Variants in TRAK1 observed in about 807,000 individuals in gnomAD.
TRAK1 encodes the protein trafficking kinesin protein 1, also known as trafficking kinesin-binding protein 1.
TRAK1 carries 33 observed loss-of-function variants against 92.1 expected under a neutral mutation model. The observed-to-expected ratio is 0.36, with a 90% CI of 0.27 to 0.48. TRAK1 has a LOEUF of 0.48. Among genes scored for constraint, TRAK1 ranks in the 20% least tolerant of loss-of-function variants. The pLI is 0.99. For missense variants in TRAK1, 1,123 were observed against 1,257.9 expected (o/e 0.89, Z 1.62); for synonymous variants, 521 against 517.3 (o/e 1.01, Z -0.10).
intron 14 of TRAK1, 59 bp from the exon 15 acceptor site, chr3:42,219,435 T>A (rs1042612366): frequency 1.9e-6 from 3 of 1,612,860 alleles, no homozygotes; most frequent in East Asian, 4.5e-5. Flanking sequence ...TGCTGGATTT[T>A]AATTTTTATT....
intron 7 of TRAK1, 151 bp from the exon 8 acceptor site, chr3:42,192,924 C>T: frequency 9.5e-7 from 1 of 1,057,906 alleles, no homozygotes; most frequent in South Asian, 1.6e-5. Flanking sequence ...GGAAAATGGT[C>T]ATTATGAGTT....
chr3:42,188,505 TCTC>T (rs1373210228), intron 5 of TRAK1, among the ~76,000 whole-genome samples: 1 of 152,198 alleles, frequency 6.6e-6, no homozygotes, highest in African/African-American at 2.4e-5. Context: ...CGTGGTGTCT[TCTC>T]TGAGAGTCAG....
At chr3:42,061,722 C>G (rs1703451835) in intron 1 of TRAK1, among the ~76,000 whole-genome samples, 1 of 152,098 alleles carries the variant, frequency 6.6e-6, no homozygotes. Context: ...CACTTCTTTC[C>G]CATCTAATTT....
intron 4 of TRAK1, among the ~76,000 whole-genome samples, chr3:42,186,229 G>A (rs370861436): frequency 5.0e-4 from 76 of 152,112 alleles, no homozygotes; most frequent in South Asian, 4.4e-3. Flanking sequence ...CAATCCACCC[G>A]CCTTGGTCTC....
At chr3:42,132,099 G>C (rs1357305358) in intron 2 of TRAK1, among the ~76,000 whole-genome samples, 1 of 151,970 alleles carries the variant, frequency 6.6e-6, no homozygotes, top group Non-Finnish European at 1.5e-5. Flanking sequence ...ACCAGCCCTG[G>C]AACCAGTCCC....
intron 1 of TRAK1, among the ~76,000 whole-genome samples, chr3:42,110,602 C>T (rs1708257329): frequency 6.6e-6 from 1 of 152,186 alleles, no homozygotes; most frequent in African/African-American, 2.4e-5. Flanking sequence ...TTTTGTTGTC[C>T]TGGCTGAGCC....
rs566354960 is a variant in TRAK1 at position 42,081,445 on chromosome 3, A to C, written c.-518-5659A>C. 2.1e-3 allele frequency among the ~76,000 whole-genome samples: 322 copies of C among 152,228 alleles called. 1 individual carries two copies. The highest frequency in any genetic ancestry group is 3.7e-3 in the Non-Finnish European group (251 of 68,008). ...TCATTTGCACCAAACCCCTTCTTTCATTTGTTGTTATTTATTCTACAGACA... is the reference window on the plus strand; with the variant it reads ...TCATTTGCACCAAACCCCTTCTTTCCTTTGTTGTTATTTATTCTACAGACA... On this transcript the variant is annotated intron_variant, in intron 1 of 16. Transcript: ENST00000487159.
At chr3:42,072,936 G>T (rs751091732) in intron 1 of TRAK1, among the ~76,000 whole-genome samples, 4 of 152,082 alleles carry the variant, frequency 2.6e-5, no homozygotes, top group African/African-American at 4.8e-5. Flanking sequence ...TTTTTCCAGG[G>T]CCAGAGAAAG....
intron 15 of TRAK1, among the ~76,000 whole-genome samples, chr3:42,221,167 A>T (rs954733079): frequency 1.2e-4 from 18 of 151,860 alleles, no homozygotes; most frequent in African/African-American, 4.4e-4. Context: ...AATGGAAACA[A>T]AATCTCCCTA....
At chr3:42,089,121 TC>T (rs1704844356), upstream of TRAK1, among the ~76,000 whole-genome samples, 2 of 152,328 alleles carry the variant, frequency 1.3e-5, no homozygotes, top group South Asian at 2.1e-4. Flanking sequence ...CTTAGGGTTT[TC>T]CCCATCCTTG....
chr3:42,106,597 T>C lies in TRAK1; in HGVS notation c.91+15037T>C, dbSNP rs78877407. ...TCTTGTGTATAGTGACTCTATCACC[T>C]GAATAATTACTTTTTAAAATTATAA... On this transcript the variant is annotated intron_variant, in intron 1 of 15. Coordinates refer to ENST00000327628, the MANE Select transcript of TRAK1 (RefSeq NM_001042646.3). 7.2e-3 allele frequency among the ~76,000 whole-genome samples: 1,090 copies of C among 152,356 alleles called. 53 individuals carry two copies. The East Asian group carries it at 0.13, about 18-fold the overall frequency.
In TRAK1 at chr3:42,091,509, C is replaced by A; in HGVS notation, c.40C>A (p.Gln14Lys). 1 of 1,613,554 alleles carries A rather than the reference C, an allele frequency of 6.2e-7. No individual in the cohort carries two copies. The highest frequency in any genetic ancestry group is 8.5e-7 in the Non-Finnish European group (1 of 1,179,882). ...TCAATTCGGGCAGCCCGTCAGGGCT[C>A]AGCCTCTGCCAGGACTCTGCCACGG... ...VFQFGQPVRAQPLPGLCHGKL... is the reference protein window; with the variant it reads ...VFQFGQPVRAKPLPGLCHGKL... The change falls in exon 1 of 16, where the codon CAG (glutamine) becomes AAG (lysine). Residue 14 changes from glutamine (Q) to lysine (K), a missense_variant. This residue lies in a region of TRAK1 where 686 missense variants were observed against 747.6 expected (regional missense o/e 0.92). Coordinates refer to ENST00000327628, the MANE Select transcript of TRAK1 (RefSeq NM_001042646.3).
intron 2 of TRAK1, 152 bp downstream of exon 2, chr3:42,125,766 G>T (rs56332092): frequency 6.3e-6 from 5 of 793,716 alleles, no homozygotes; most frequent in South Asian, 2.2e-5. Flanking sequence ...GGGGTTAACC[G>T]CACAAAAGGT....
intron 1 of TRAK1, among the ~76,000 whole-genome samples, chr3:42,023,516 C>T (rs1701802299): frequency 6.6e-6 from 1 of 152,046 alleles, no homozygotes; most frequent in Admixed American, 6.6e-5. Flanking sequence ...GCTGGAAGCT[C>T]TGGCTGTACT....
At chr3:42,135,492 C>T (rs1332108619) in intron 2 of TRAK1, among the ~76,000 whole-genome samples, 2 of 152,148 alleles carry the variant, frequency 1.3e-5, no homozygotes, top group Admixed American at 1.3e-4. Flanking sequence ...CTTTGGGTGG[C>T]CGAGGTGGGA....
chr3:42,176,697 C>G, intron 2 of TRAK1, 117 bp from the exon 3 acceptor site: 2 of 878,294 alleles, frequency 2.3e-6, no homozygotes, highest in Non-Finnish European at 1.9e-6. Flanking sequence ...CCCAGCGAGC[C>G]AGTGACCCTC....
intron 1 of TRAK1, among the ~76,000 whole-genome samples, chr3:42,020,622 A>ATCTTGG (rs1404692298): frequency 1.3e-5 from 2 of 152,120 alleles, no homozygotes; most frequent in Non-Finnish European, 2.9e-5. Flanking sequence ...GTGTATAAGT[A>ATCTTGG]CTCATTTCTA....
At chr3:42,212,305 A>T in intron 14 of TRAK1, 1 of 985,410 alleles carries the variant, frequency 1.0e-6, no homozygotes, top group Non-Finnish European at 1.2e-6. Context: ...AAACAGCACT[A>T]TCCCAGGAAC....
chr3:42,200,002 A>G (rs1707292076), intron 11 of TRAK1, among the ~76,000 whole-genome samples: 2 of 152,214 alleles, frequency 1.3e-5, no homozygotes, highest in Admixed American at 6.5e-5. Flanking sequence ...GAATACACCT[A>G]GGGATATGAG....
Sources: allele counts gnomAD v4.1 joint callset (sites outside exome capture counted in the v4.1 genomes callset), GRCh38; gene constraint gnomAD v4.1.1; regional missense constraint gnomAD v4.1.1; transcripts MANE v1.5; gene names NCBI Gene and HGNC (gene_info 2026-07-23, HGNC 2026-07-21).